The following GARNL3 variants were observed in gnomAD, a reference collection of about 807,000 sequenced individuals.
The protein encoded by GARNL3 is GTPase activating Rap/RanGAP domain like 3.
Under a neutral mutation model 125.0 loss-of-function variants are expected in GARNL3, and 63 were observed. The ratio of observed to expected loss-of-function variants is 0.50; its 90% CI spans 0.41 to 0.62. The LOEUF is 0.62. GARNL3 is among the 20% of genes least tolerant of loss of function. The probability of loss-of-function intolerance (pLI) is 0.00; values close to 1 mark genes in which losing one functional copy is unlikely to be tolerated. For missense variants in GARNL3, 994 were observed against 1,244.0 expected (o/e 0.80, Z 3.02); for synonymous variants, 439 against 457.5 (o/e 0.96, Z 0.52).
intron 21 of GARNL3, among the ~76,000 whole-genome samples, chr9:127,357,782 TAAAAAAA>T (rs59319315): frequency 6.8e-6 from 1 of 147,218 alleles, no homozygotes; most frequent in Admixed American, 6.8e-5. Flanking sequence ...TATTTAAAAT[TAAAAAAA>T]AAAAAAGACA....
intron 21 of GARNL3, among the ~76,000 whole-genome samples, chr9:127,360,617 G>A (rs1830944563): frequency 6.6e-6 from 1 of 152,346 alleles, no homozygotes; most frequent in Non-Finnish European, 1.5e-5. Flanking sequence ...TTACCAAGAT[G>A]TTCCTGCAGC....
Position 127,303,577 on chromosome 9 carries a change from A to C in GARNL3, c.220-8059A>C, listed in dbSNP as rs2064862819. On this transcript the variant is annotated intron_variant, in intron 2 of 27. Coordinates refer to ENST00000373387, the MANE Select transcript of GARNL3 (RefSeq NM_032293.5). ...AAAAGAATCCATTTTCCCTACTGCC[A>C]TGTTATCTCAGCAGTTTAACCTAGG... is the stretch of plus-strand genomic sequence containing the variant. Among the ~76,000 whole-genome samples, 3 of 152,326 alleles carry C rather than the reference A, an allele frequency of 2.0e-5. No homozygotes were observed. The South Asian group carries it at 6.2e-4, about 32-fold the overall frequency.
At chr9:127,376,288 C>T (rs965746059) in intron 22 of GARNL3, among the ~76,000 whole-genome samples, 3 of 150,678 alleles carry the variant, frequency 2.0e-5, no homozygotes, top group Non-Finnish European at 3.0e-5. Flanking sequence ...GAGACAGTCT[C>T]GCTTACTGCA....
intron 2 of GARNL3, among the ~76,000 whole-genome samples, chr9:127,244,331 T>G (rs978542235): frequency 1.3e-5 from 2 of 152,142 alleles, no homozygotes; most frequent in African/African-American, 4.8e-5. Flanking sequence ...TGAGCATTGA[T>G]CAGGCAAGAG....
chr9:127,260,780 C>A (rs1317243470), upstream of GARNL3, among the ~76,000 whole-genome samples: 1 of 152,188 alleles, frequency 6.6e-6, no homozygotes, highest in African/African-American at 2.4e-5. Context: ...GGCCCACCAG[C>A]CCTCTGACAA....
Position 127,393,374 on chromosome 9 carries a change from A to G in GARNL3, c.*120A>G. The G allele has an allele frequency of 1.2e-6, 1 of 852,560 alleles. No homozygotes were observed. The highest frequency in any genetic ancestry group is 1.8e-6 in the Non-Finnish European group (1 of 553,780). 52.8% of individuals were successfully genotyped at this position (852,560 alleles called of 1,614,324 possible). ...TAGCCTGTCAGTGATCTATTGGACC[A>G]AACCTTCTGCACACTCGGCCAGTTC... On this transcript the variant is annotated 3_prime_UTR_variant, in exon 28 of 28. Transcript: ENST00000373387.
At chr9:127,339,368 G>A (rs1829737811) in intron 12 of GARNL3, among the ~76,000 whole-genome samples, 1 of 152,152 alleles carries the variant, frequency 6.6e-6, no homozygotes, top group African/African-American at 2.4e-5. Context: ...AATTATGGTG[G>A]GAGGCAAAAG....
Position 127,383,463 on chromosome 9 carries a change from C to T in GARNL3, c.2187C>T (p.Cys729=), listed in dbSNP as rs771351070. The T allele has an allele frequency of 1.1e-4, 180 of 1,612,240 alleles. 1 individual carries two copies. In the South Asian group the frequency reaches 1.2e-3, roughly 11 times the overall value. Residue 729 remains cysteine, a synonymous_variant, in exon 23 of 28, where the codon TGC becomes TGT. Coordinates refer to ENST00000373387, the MANE Select transcript of GARNL3 (RefSeq NM_032293.5). ...ACAGTTGCATCTATAAAAAGGTTTG[C>T]CCCTTTAATGGTGGCTCTTTTTTGG... The part of the protein sequence containing the change: ...YNYSCIYKKV[C]PFNGGSFLVQ...
At chr9:127,225,534 G>C (rs1002415324) in intron 1 of GARNL3, 45 of 274,046 alleles carry the variant, frequency 1.6e-4, no homozygotes, top group African/African-American at 1.0e-3. Flanking sequence ...ACCGGGCGCG[G>C]AGCCCGGGCT....
In GARNL3 at chr9:127,264,784, A is replaced by G. The variant is rs542137167; in HGVS notation, c.-94A>G. ...GGCTCCATGAAAGCCAGGCTCTGCA[A>G]TGGCTGCTGGGGACTGTGTCTGTTG... On this transcript the variant is annotated 5_prime_UTR_variant, in exon 1 of 28. It removes an upstream start codon present in the reference 5' UTR. Coordinates refer to ENST00000373387, the MANE Select transcript of GARNL3 (RefSeq NM_032293.5). The G allele has an allele frequency of 5.8e-5, 76 of 1,299,280 alleles. No individual in the cohort carries two copies. In the African/African-American group the frequency reaches 1.0e-3, roughly 18 times the overall value. 80.5% of individuals were successfully genotyped at this position (1,299,280 alleles called of 1,614,324 possible).
At chr9:127,387,415 TA>T (rs1832600268) in intron 25 of GARNL3, 84 bp downstream of exon 25, 11 of 1,279,446 alleles carry the variant, frequency 8.6e-6, no homozygotes, top group Non-Finnish European at 1.2e-5. Flanking sequence ...TACATGTGAT[TA>T]CTGTTTAAAG....
In GARNL3 at chr9:127,339,514, GT is replaced by G. The variant is rs1829746974; in HGVS notation, c.1029-129del. 23 of 663,176 alleles carry G rather than the reference GT, an allele frequency of 3.5e-5. No individual in the cohort carries two copies. In the South Asian group the frequency reaches 4.0e-4, roughly 12 times the overall value. The allele number at this position is 663,176 out of a possible 1,614,324, so 41.1% of individuals were successfully genotyped here. ...GGGAAAGACTGGCCCCCATGATTCAGTTACCTCTCCCTGGGTCCCACCCATG... is the reference window on the plus strand; with the variant it reads ...GGGAAAGACTGGCCCCCATGATTCAGTACCTCTCCCTGGGTCCCACCCATG... On this transcript the variant is annotated intron_variant, in intron 12 of 27. Transcript: ENST00000373387.
intron 1 of GARNL3, among the ~76,000 whole-genome samples, chr9:127,231,001 C>CACATGTGTATATAT (rs1395787603): frequency 7.7e-6 from 1 of 130,444 alleles, no homozygotes; most frequent in African/African-American, 3.1e-5. Context: ...TGTATATATA[C>CACATGTGTATATAT]ACATATGTGT....
intron 1 of GARNL3, among the ~76,000 whole-genome samples, chr9:127,241,327 C>A (rs901129625): frequency 6.6e-6 from 1 of 152,170 alleles, no homozygotes; most frequent in African/African-American, 2.4e-5. Flanking sequence ...GTCTCTCATC[C>A]TGAAGCCCTG....
chr9:127,319,152 A>C (rs1478064329), intron 5 of GARNL3, among the ~76,000 whole-genome samples: 1 of 152,160 alleles, frequency 6.6e-6, no homozygotes, highest in Non-Finnish European at 1.5e-5. Context: ...TACAGTGACA[A>C]ACTTGACTCT....
intron 3 of GARNL3, among the ~76,000 whole-genome samples, chr9:127,312,603 G>C (rs1462993428): frequency 6.6e-6 from 1 of 152,162 alleles, no homozygotes; most frequent in Non-Finnish European, 1.5e-5. Flanking sequence ...GATTCAAAAT[G>C]AGTTAGAGAA....
intron 2 of GARNL3, among the ~76,000 whole-genome samples, chr9:127,294,293 A>G (rs1232699914): frequency 6.6e-6 from 1 of 152,114 alleles, no homozygotes; most frequent in African/African-American, 2.4e-5. Context: ...TAAGCACTCC[A>G]GTGCTTTTTT....
At chr9:127,350,048 G>A (rs1186497524) in intron 17 of GARNL3, among the ~76,000 whole-genome samples, 1 of 152,212 alleles carries the variant, frequency 6.6e-6, no homozygotes, top group Admixed American at 6.5e-5. Flanking sequence ...GATAGGAGAT[G>A]TGGGCCGTGC....
rs1160447007 is a variant in GARNL3 at position 127,266,266 on chromosome 9, T to TC, written c.144+1246dup. Among the ~76,000 whole-genome samples the TC allele has an allele frequency of 6.6e-6, 1 of 152,168 alleles. No homozygotes were observed. Among genetic ancestry groups the TC allele is most frequent in the Non-Finnish European group, 1.5e-5 (1 of 68,030 alleles). On this transcript the variant is annotated intron_variant, in intron 1 of 27. Coordinates refer to ENST00000373387, the MANE Select transcript of GARNL3 (RefSeq NM_032293.5). This position sits in a 1 kb window ranked among gnomAD's most constrained non-coding sequence, Gnocchi z 4.0. Reference sequence around the variant, plus strand: ...GGATCACCCATTCTGGCCAGGGGTCTCAGAGACACACCATGGAAGACCTTG... The same window carrying TC: ...GGATCACCCATTCTGGCCAGGGGTCTCCAGAGACACACCATGGAAGACCTTG...
Sources: gnomAD v4.1 joint callset for allele counts (sites outside exome capture counted in the v4.1 genomes callset) on GRCh38, gnomAD v4.1.1 for gene constraint, Gnocchi (gnomAD v3.1) non-coding constraint, MANE v1.5 for transcripts, NCBI Gene and HGNC (gene_info 2026-07-23, HGNC 2026-07-21) for gene names.